The following PFKP variants were observed in gnomAD, a reference collection of about 807,000 sequenced individuals.
The protein encoded by PFKP is ATP-dependent 6-phosphofructokinase, platelet type.
PFKP carries 101 observed loss-of-function variants against 94.3 expected under a neutral mutation model. The observed-to-expected ratio is 1.07, with a 90% CI of 0.91 to 1.26. The LOEUF is 1.26. PFKP is among the 50% of genes most tolerant of loss of function. PFKP has a pLI of 0.00. For missense variants in PFKP, 1,145 were observed against 1,103.3 expected, an observed-to-expected ratio of 1.04 and a Z score of -0.53; for synonymous variants, 573 against 432.6, an observed-to-expected ratio of 1.32 and a Z score of -4.03.
chr10:3,105,948 T>C (rs977934483), intron 7 of PFKP, among the ~76,000 whole-genome samples: 1 of 152,204 alleles, frequency 6.6e-6, no homozygotes, highest in African/African-American at 2.4e-5. Context: ...GTGACTGCCG[T>C]GAGCATAGGA....
chr10:3,105,173 G>A lies in PFKP; in HGVS notation c.665+14G>A, dbSNP rs766208518. ...ACGACACTGTGGGTACGTACCTGCGGTGGGTCCGGTGGACGCGGTTCAGGT... is the reference window on the plus strand; with the variant it reads ...ACGACACTGTGGGTACGTACCTGCGATGGGTCCGGTGGACGCGGTTCAGGT... On this transcript the variant is annotated intron_variant, in intron 6 of 21. Coordinates refer to ENST00000381125, the MANE Select transcript of PFKP (RefSeq NM_002627.5). 1 of 1,612,198 alleles carries A rather than the reference G, an allele frequency of 6.2e-7. No homozygotes were observed. Among genetic ancestry groups the A allele is most frequent in the Non-Finnish European group, 8.5e-7 (1 of 1,178,354 alleles).
chr10:3,093,750 T>A (rs1050849596), intron 2 of PFKP, among the ~76,000 whole-genome samples: 1 of 147,632 alleles, frequency 6.8e-6, no homozygotes, highest in African/African-American at 2.5e-5. Context: ...TTCACGCCAT[T>A]CTCCCGCCTC....
chr10:3,083,306 G>A (rs879258997), intron 2 of PFKP, among the ~76,000 whole-genome samples: 1 of 152,150 alleles, frequency 6.6e-6, no homozygotes, highest in Non-Finnish European at 1.5e-5. Flanking sequence ...TGAAGTCCTG[G>A]CAACTTAAGA....
At chr10:3,121,397 T>G (rs1451760342) in intron 16 of PFKP, among the ~76,000 whole-genome samples, 3 of 152,204 alleles carry the variant, frequency 2.0e-5, no homozygotes, top group Admixed American at 2.0e-4. Context: ...CTCTTTCGCC[T>G]GCTTTAGCTA....
chr10:3,089,389 C>G (rs1411420023), intron 2 of PFKP, among the ~76,000 whole-genome samples: 4 of 152,004 alleles, frequency 2.6e-5, no homozygotes, highest in Admixed American at 2.6e-4. Context: ...CCACACTGGG[C>G]TGTTGTGATG....
intron 10 of PFKP, 82 bp from the exon 11 acceptor site, chr10:3,112,140 A>T: frequency 8.8e-7 from 1 of 1,130,794 alleles, no homozygotes; most frequent in Non-Finnish European, 1.3e-6. Flanking sequence ...GGTGGGAAGG[A>T]CCGAGCCAGT....
Position 3,112,290 on chromosome 10 carries a change from A to C in PFKP, c.1154+4A>C. ...ATGCGGTTCGACTCCGAGGGAGGTG[A>C]GGTGCTTTGGAGAAAGCTCTGCCCT... On this transcript the variant is annotated splice_donor_region_variant and intron_variant, in intron 11 of 21. Coordinates refer to ENST00000381125, the MANE Select transcript of PFKP (RefSeq NM_002627.5). 1 of 1,611,870 alleles carries C rather than the reference A, an allele frequency of 6.2e-7. No homozygotes were observed. Among genetic ancestry groups the C allele is most frequent in the East Asian group, 2.2e-5 (1 of 44,868 alleles).
Position 3,133,249 on chromosome 10 carries a change from C to G in PFKP, c.1957C>G (p.Leu653Val). Reference protein sequence around the residue: ...ENYTTDFIYQLYSEEGKGVFD... With the variant: ...ENYTTDFIYQVYSEEGKGVFD... ...CTACACCACCGACTTCATTTACCAG[C>G]TGTATTCAGAAGAGGGCAAAGGCGT... The change falls in exon 19 of 22, where the codon CTG (leucine) becomes GTG (valine). Residue 653 changes from leucine to valine, a missense_variant. Leu to Val is a conservative substitution (Grantham distance 32, BLOSUM62 1). This residue lies in a region of PFKP where 1,119 missense variants were observed against 1,062.8 expected (regional missense o/e 1.05). Transcript: ENST00000381125. 6.2e-7 allele frequency: 1 copy of G among 1,614,104 alleles called. No individual in the cohort carries two copies. Among genetic ancestry groups the G allele is most frequent in the Non-Finnish European group, 8.5e-7 (1 of 1,179,962 alleles).
At chr10:3,073,175 T>C (rs576887050) in intron 1 of PFKP, among the ~76,000 whole-genome samples, 9 of 151,996 alleles carry the variant, frequency 5.9e-5, no homozygotes, top group African/African-American at 2.2e-4. Context: ...CTAGCCCTGG[T>C]CCTGCTGTCT....
intron 1 of PFKP, among the ~76,000 whole-genome samples, chr10:3,078,633 C>T (rs1363916384): frequency 6.6e-6 from 1 of 152,206 alleles, no homozygotes; most frequent in Non-Finnish European, 1.5e-5. Flanking sequence ...TGAAATAAGA[C>T]TAGGGTTTAC....
At chr10:3,099,636 T>A (rs529183490) in intron 3 of PFKP, among the ~76,000 whole-genome samples, 17 of 152,304 alleles carry the variant, frequency 1.1e-4, no homozygotes, top group African/African-American at 2.6e-4. Context: ...TCTCTCTGCA[T>A]TGGGCGCCTC....
At chr10:3,118,259 G>A (rs899507800) in intron 14 of PFKP, among the ~76,000 whole-genome samples, 12 of 152,216 alleles carry the variant, frequency 7.9e-5, no homozygotes, top group African/African-American at 2.7e-4. Flanking sequence ...AGGAGGTCAA[G>A]AGATGGAGAC....
intron 1 of PFKP, among the ~76,000 whole-genome samples, chr10:3,078,635 A>G (rs755805659): frequency 2.6e-5 from 4 of 152,238 alleles, no homozygotes; most frequent in Non-Finnish European, 4.4e-5. Context: ...AAATAAGACT[A>G]GGGTTTACAC....
intron 2 of PFKP, among the ~76,000 whole-genome samples, chr10:3,087,427 C>T (rs998143662): frequency 5.3e-5 from 8 of 152,138 alleles, no homozygotes; most frequent in African/African-American, 1.9e-4. Flanking sequence ...CTGCCCCTGC[C>T]CTCGGTGGGG....
chr10:3,115,423 CA>C (rs1836718529), intron 13 of PFKP, among the ~76,000 whole-genome samples: 1 of 48,942 alleles, frequency 2.0e-5, no homozygotes. Flanking sequence ...TGTGTCCCGC[CA>C]TGGAGGACAG....
intron 6 of PFKP, 97 bp downstream of exon 6, chr10:3,105,256 G>A: frequency 7.3e-7 from 1 of 1,378,808 alleles, no homozygotes; most frequent in South Asian, 1.2e-5. Context: ...ATGCTCCCGT[G>A]GAAAGTCCTG....
chr10:3,130,483 C>T (rs1284907055), intron 17 of PFKP, among the ~76,000 whole-genome samples: 1 of 152,170 alleles, frequency 6.6e-6, no homozygotes, highest in African/African-American at 2.4e-5. Flanking sequence ...ACAGCAGAAT[C>T]CAGGCCTGGA....
chr10:3,079,535 C>G (rs1269461540), intron 1 of PFKP, among the ~76,000 whole-genome samples: 2 of 151,874 alleles, frequency 1.3e-5, no homozygotes, highest in Non-Finnish European at 2.9e-5. Flanking sequence ...TGCCCAGCCT[C>G]ATGTCCAGCT....
At chr10:3,106,589 T>C in intron 7 of PFKP, among the ~76,000 whole-genome samples, 1 of 119,908 alleles carries the variant, frequency 8.3e-6, no homozygotes, top group Admixed American at 8.7e-5. Flanking sequence ...CCCTGCTCCT[T>C]CACCCCTGCC....
Sources: gnomAD v4.1 joint callset for allele counts (sites outside exome capture counted in the v4.1 genomes callset) on GRCh38, gnomAD v4.1.1 for gene constraint, gnomAD v4.1.1 regional missense constraint, MANE v1.5 for transcripts, NCBI Gene and HGNC (gene_info 2026-07-23, HGNC 2026-07-21) for gene names.